The following NYAP2 variants were observed in gnomAD, a reference collection of about 807,000 sequenced individuals.
NYAP2 encodes the protein neuronal tyrosine-phosphorylated phosphoinositide-3-kinase adapter 2.
Under a neutral mutation model 50.4 loss-of-function variants are expected in NYAP2, and 23 were observed. That is an observed-to-expected ratio of 0.46 (90% CI 0.33 to 0.65). The LOEUF is 0.65. Ranked by LOEUF, NYAP2 falls within the 30% of genes least tolerant of loss-of-function variation. NYAP2 has a pLI of 0.02. For missense variants in NYAP2, 885 were observed against 861.0 expected (o/e 1.03, Z -0.35); for synonymous variants, 394 against 365.2 (o/e 1.08, Z -0.90).
intron 5 of NYAP2, among the ~76,000 whole-genome samples, chr2:225,594,499 G>A (rs1692562571): frequency 6.6e-6 from 1 of 151,892 alleles, no homozygotes; most frequent in Non-Finnish European, 1.5e-5. Context: ...CTCCAGCCTG[G>A]GTGACACAGT....
chr2:225,439,104 G>T (rs1458123659), intron 3 of NYAP2, among the ~76,000 whole-genome samples: 1 of 152,304 alleles, frequency 6.6e-6, no homozygotes, highest in East Asian at 1.9e-4. Flanking sequence ...GACTGTGGAG[G>T]ATCCACCAGT....
At chr2:225,644,802 T>G (rs1559238879) in intron 6 of NYAP2, among the ~76,000 whole-genome samples, 1 of 151,146 alleles carries the variant, frequency 6.6e-6, no homozygotes, top group Non-Finnish European at 1.5e-5. Context: ...TTGATCTATA[T>G]CTCTGTTTTG....
chr2:225,440,501 G>C (rs2106140280), intron 3 of NYAP2, among the ~76,000 whole-genome samples: 1 of 152,272 alleles, frequency 6.6e-6, no homozygotes, highest in Admixed American at 6.5e-5. Flanking sequence ...TAAGGCTAAG[G>C]AGCAATAATA....
chr2:225,465,266 T>C (rs1689898486), intron 3 of NYAP2, among the ~76,000 whole-genome samples: 1 of 152,094 alleles, frequency 6.6e-6, no homozygotes, highest in Non-Finnish European at 1.5e-5. Flanking sequence ...AGCAGATCTC[T>C]ACTTGTGCAT....
chr2:225,644,182 T>C (rs1447125210), intron 6 of NYAP2, among the ~76,000 whole-genome samples: 3 of 152,224 alleles, frequency 2.0e-5, no homozygotes, highest in Non-Finnish European at 4.4e-5. Flanking sequence ...TGCATTTCTC[T>C]GATGGCCAGT....
At chr2:225,598,224 C>T (rs542739922) in intron 5 of NYAP2, among the ~76,000 whole-genome samples, 1 of 152,120 alleles carries the variant, frequency 6.6e-6, no homozygotes, top group Admixed American at 6.6e-5. Context: ...AGCAGCATGA[C>T]ACCATGATTG....
intron 4 of NYAP2, among the ~76,000 whole-genome samples, chr2:225,534,374 T>G (rs1397059807): frequency 6.6e-6 from 1 of 152,240 alleles, no homozygotes; most frequent in Non-Finnish European, 1.5e-5. Flanking sequence ...ATATGATTGT[T>G]CTTTAATAAA....
intron 5 of NYAP2, among the ~76,000 whole-genome samples, chr2:225,612,620 T>C (rs1335147861): frequency 6.6e-6 from 1 of 152,146 alleles, no homozygotes; most frequent in Non-Finnish European, 1.5e-5. Context: ...ATTCAAGTAC[T>C]GGTGAGGACT....
intron 5 of NYAP2, among the ~76,000 whole-genome samples, chr2:225,618,284 G>A (rs998768794): frequency 5.9e-5 from 9 of 152,088 alleles, no homozygotes; most frequent in African/African-American, 7.2e-5. Context: ...CCTTGGCTCC[G>A]CACAAATATT....
At chr2:225,620,169 T>G (rs576350967) in intron 5 of NYAP2, among the ~76,000 whole-genome samples, 1 of 152,236 alleles carries the variant, frequency 6.6e-6, no homozygotes, top group African/African-American at 2.4e-5. Flanking sequence ...CATTGAGATA[T>G]ATGGATATGG....
At chr2:225,579,036 GCA>G (rs957501811) in intron 4 of NYAP2, among the ~76,000 whole-genome samples, 8 of 151,758 alleles carry the variant, frequency 5.3e-5, no homozygotes, top group South Asian at 4.2e-4. Context: ...GCACGTGCAC[GCA>G]CACACACGCG....
At chr2:225,417,057 T>C (rs10171250) in intron 3 of NYAP2, among the ~76,000 whole-genome samples, 21,735 of 152,218 alleles carry the variant, frequency 0.14, 2,456 homozygotes, top group African/African-American at 0.32. Context: ...GTCTATTTTT[T>C]ATATTCTTCA....
intron 3 of NYAP2, among the ~76,000 whole-genome samples, chr2:225,463,907 G>A (rs1319320368): frequency 7.3e-6 from 1 of 136,152 alleles, no homozygotes; most frequent in African/African-American, 3.1e-5. Flanking sequence ...GTTACCCTCT[G>A]GAGCTACAGA....
chr2:225,581,991 C>G, exon 5 of NYAP2: 2 of 1,612,818 alleles, frequency 1.2e-6, no homozygotes, highest in Non-Finnish European at 1.7e-6. Context: ...GAAGATTCCT[C>G]CTCCCAAACC....
the NYAP2 span, among the ~76,000 whole-genome samples, chr2:225,659,121 A>G: frequency 4.6e-5 from 7 of 152,280 alleles, no homozygotes; most frequent in South Asian, 8.3e-4. Flanking sequence ...GAACCAATTG[A>G]CAAATAAGGG....
At chr2:225,686,655 A>G in the NYAP2 span, among the ~76,000 whole-genome samples, 2 of 152,160 alleles carry the variant, frequency 1.3e-5, no homozygotes, top group African/African-American at 4.8e-5. Context: ...ACTTCTTTTG[A>G]TGCTGTACCC....
Position 225,413,035 on chromosome 2 carries a change from A to C in NYAP2, c.221+3934A>C, listed in dbSNP as rs192147781. On this transcript the variant is annotated intron_variant, in intron 3 of 6. Coordinates refer to ENST00000636099, the Ensembl canonical transcript of NYAP2. ...TACTATCCTCACAGTCAGCACATGC[A>C]CTAGGATTTGAAAAATGTAGTATGT... is the stretch of plus-strand genomic sequence containing the variant. Among the ~76,000 whole-genome samples, 172 of 152,264 alleles carry C rather than the reference A, an allele frequency of 1.1e-3. 1 individual carries two copies. The highest frequency in any genetic ancestry group is 4.0e-3 in the African/African-American group (167 of 41,564).
the NYAP2 span, among the ~76,000 whole-genome samples, chr2:225,688,507 T>G: frequency 6.6e-6 from 1 of 152,338 alleles, no homozygotes; most frequent in Middle Eastern, 3.4e-3. Flanking sequence ...GAGTTCATTG[T>G]CTACTGGGGT....
the NYAP2 span, among the ~76,000 whole-genome samples, chr2:225,679,493 GTTT>G: frequency 2.2e-4 from 23 of 103,864 alleles, no homozygotes; most frequent in African/African-American, 6.7e-4. Context: ...GCTTCTAATT[GTTT>G]TTTTTTTTTT....
Sources: gnomAD v4.1 joint callset for allele counts (sites outside exome capture counted in the v4.1 genomes callset) on GRCh38, gnomAD v4.1.1 for gene constraint, MANE v1.5 for transcripts, NCBI Gene and HGNC (gene_info 2026-07-23, HGNC 2026-07-21) for gene names.